TRIO: variants seen among roughly 807,000 people sequenced by gnomAD.
The protein encoded by TRIO is trio Rho guanine nucleotide exchange factor.
Under a neutral mutation model 351.9 loss-of-function variants are expected in TRIO, and 58 were observed. The observed-to-expected ratio is 0.16, with a 90% confidence interval of 0.13 to 0.21. TRIO has a LOEUF of 0.21. TRIO is among the 10% of genes least tolerant of loss of function. TRIO has a pLI of 1.00. For synonymous variants in TRIO, 1,758 were observed against 1,595.7 expected, an observed-to-expected ratio of 1.10 and a Z score of -2.42; for missense variants, 3,201 against 4,027.8, an observed-to-expected ratio of 0.79 and a Z score of 5.56.
rs1174154364 is a variant in TRIO, at chr5:14,310,827, A to G, written c.1501-5686A>G. On this transcript the variant is annotated intron_variant, in intron 8 of 56. Coordinates refer to ENST00000344204, the MANE Select transcript of TRIO (RefSeq NM_007118.4). The stretch of plus-strand genomic sequence containing the variant: ...TAGCCTCCTGAGCAGCTGGGATTAC[A>G]GGTGTATGCCACCAGGCCCGGCTAA... 3.9e-5 allele frequency among the ~76,000 whole-genome samples: 6 copies of G among 152,222 alleles called. No homozygotes were observed. The East Asian group carries it at 1.2e-3, about 29-fold the overall frequency.
At chr5:14,370,131 T>A (rs529166670) in intron 18 of TRIO, among the ~76,000 whole-genome samples, 1 of 152,070 alleles carries the variant, frequency 6.6e-6, no homozygotes, top group East Asian at 1.9e-4. Flanking sequence ...TTCTTTTTTT[T>A]TTTTTAATTC....
chr5:14,371,631 G>A (rs1579456398), intron 18 of TRIO, among the ~76,000 whole-genome samples: 1 of 149,134 alleles, frequency 6.7e-6, no homozygotes, highest in South Asian at 2.1e-4. Context: ...TTTTTTGATT[G>A]TTCTGTAAAT....
intron 18 of TRIO, among the ~76,000 whole-genome samples, chr5:14,370,683 T>TC (rs1745030206): frequency 6.6e-6 from 1 of 152,196 alleles, no homozygotes; most frequent in South Asian, 2.1e-4. Flanking sequence ...TTAAGCAAGC[T>TC]CCCGGGGTGA....
At chr5:14,208,699 A>G (rs1561204249) in intron 1 of TRIO, among the ~76,000 whole-genome samples, 2 of 152,260 alleles carry the variant, frequency 1.3e-5, no homozygotes, top group Admixed American at 6.5e-5. Flanking sequence ...ACTCTCAGCC[A>G]ATCACAGCAG....
chr5:14,156,444 C>T (rs1788106202), intron 1 of TRIO, among the ~76,000 whole-genome samples: 1 of 152,148 alleles, frequency 6.6e-6, no homozygotes, highest in South Asian at 2.1e-4. Flanking sequence ...TATGCATACA[C>T]ATAGACATTA....
At chr5:14,176,912 T>C (rs555909653) in intron 1 of TRIO, among the ~76,000 whole-genome samples, 1 of 152,352 alleles carries the variant, frequency 6.6e-6, no homozygotes, top group African/African-American at 2.4e-5. Flanking sequence ...CATTAAATAT[T>C]TTATGCACAT....
chr5:14,420,176 A>C, intron 34 of TRIO, 155 bp downstream of exon 34: 1 of 1,125,690 alleles, frequency 8.9e-7, no homozygotes, highest in Non-Finnish European at 1.2e-6. Context: ...TTTCCAGTCC[A>C]TCAGCACCTG....
At chr5:14,459,624 C>A (rs1284389094) in intron 34 of TRIO, among the ~76,000 whole-genome samples, 2 of 152,118 alleles carry the variant, frequency 1.3e-5, no homozygotes, top group African/African-American at 4.8e-5. Context: ...TCTGTAGTTC[C>A]AGCTACTTGG....
intron 20 of TRIO, among the ~76,000 whole-genome samples, chr5:14,378,740 A>G (rs1232124416): frequency 1.3e-5 from 2 of 152,022 alleles, no homozygotes; most frequent in Non-Finnish European, 2.9e-5. Context: ...TTATATTTTC[A>G]GTGGAGATGA....
intron 27 of TRIO, 110 bp from the exon 28 acceptor site, chr5:14,393,928 T>C (rs1747331345): frequency 3.4e-6 from 2 of 595,546 alleles, no homozygotes; most frequent in Admixed American, 3.1e-5. Flanking sequence ...TATTTCAGCA[T>C]GATTAAACAG....
intron 38 of TRIO, among the ~76,000 whole-genome samples, chr5:14,471,916 A>C (rs1754718704): frequency 6.6e-6 from 1 of 151,200 alleles, no homozygotes; most frequent in Non-Finnish European, 1.5e-5. Context: ...CCTTTGGAGA[A>C]GGAAAAAAAA....
intron 2 of TRIO, among the ~76,000 whole-genome samples, chr5:14,275,404 A>AT (rs764962954): frequency 5.3e-5 from 8 of 152,062 alleles, no homozygotes; most frequent in Admixed American, 3.3e-4. Context: ...CATTTGTTTC[A>AT]TTTTGCTTTA....
intron 11 of TRIO, among the ~76,000 whole-genome samples, chr5:14,352,999 A>G (rs528925654): frequency 3.3e-5 from 5 of 152,304 alleles, no homozygotes; most frequent in South Asian, 4.1e-4. Context: ...TAACAGACTA[A>G]TTCTAGCACG....
chr5:14,249,458 C>G (rs1044165321), intron 1 of TRIO, among the ~76,000 whole-genome samples: 4 of 152,074 alleles, frequency 2.6e-5, no homozygotes, highest in East Asian at 3.8e-4. Context: ...TCTGGACTTT[C>G]GAGGGGGGAA....
chr5:14,285,960 G>A (rs1206284996), intron 3 of TRIO, among the ~76,000 whole-genome samples: 1 of 152,168 alleles, frequency 6.6e-6, no homozygotes, highest in East Asian at 1.9e-4. Flanking sequence ...AACCAAGTGC[G>A]ACTAAGTATT....
In TRIO at chr5:14,508,235, C is replaced by T; in HGVS notation, c.9107C>T (p.Ala3036Val). Residue 3036 changes from alanine to valine, a missense_variant, in exon 57 of 57, where the codon GCC (alanine) becomes GTC (valine). By Grantham distance (64) the Ala-to-Val change is moderately conservative. Transcript: ENST00000344204. ...FVCFLLQEDP[A>V]KRPSAALALQ... The stretch of plus-strand genomic sequence containing the variant: ...TGCTTCCTCCTGCAGGAGGACCCCG[C>T]CAAGCGTCCCTCGGCTGCGCTGGCC... 6.2e-7 allele frequency: 1 copy of T among 1,614,092 alleles called. No individual in the cohort carries two copies.
At chr5:14,259,184 G>A (rs1795202401) in intron 1 of TRIO, among the ~76,000 whole-genome samples, 1 of 152,238 alleles carries the variant, frequency 6.6e-6, no homozygotes, top group African/African-American at 2.4e-5. Context: ...ATCAGTGAAT[G>A]TGTTTGAATA....
At chr5:14,452,066 A>C (rs561077034) in intron 34 of TRIO, among the ~76,000 whole-genome samples, 18 of 152,238 alleles carry the variant, frequency 1.2e-4, no homozygotes, top group Admixed American at 2.0e-4. Flanking sequence ...CTGGCTGTCA[A>C]TCGGCAGCAG....
intron 55 of TRIO, among the ~76,000 whole-genome samples, chr5:14,506,220 A>G (rs1757672139): frequency 6.6e-6 from 1 of 152,204 alleles, no homozygotes. Flanking sequence ...TTCTGGACTG[A>G]CATTTCAGTG....
Sources: gnomAD v4.1 joint callset for allele counts (sites outside exome capture counted in the v4.1 genomes callset) on GRCh38, gnomAD v4.1.1 for gene constraint, MANE v1.5 for transcripts, NCBI Gene and HGNC (gene_info 2026-07-23, HGNC 2026-07-21) for gene names.